CYP20A1: variants seen among roughly 807,000 people sequenced by gnomAD.
The protein encoded by CYP20A1 is cytochrome P450 20A1.
In CYP20A1, 61 loss-of-function variants were observed where a neutral mutation model predicts 61.4. The ratio of observed to expected loss-of-function variants is 0.99; its 90% CI spans 0.81 to 1.23. The LOEUF is 1.23. CYP20A1 is among the 50% of genes most tolerant of loss of function. CYP20A1 has a pLI of 0.00. For synonymous variants in CYP20A1, 193 were observed against 188.2 expected, an observed-to-expected ratio of 1.03 and a Z score of -0.21; for missense variants, 530 against 542.4, an observed-to-expected ratio of 0.98 and a Z score of 0.23.
chr2:203,279,004 C>T (rs1345303450), intron 7 of CYP20A1, among the ~76,000 whole-genome samples: 1 of 151,976 alleles, frequency 6.6e-6, no homozygotes, highest in Non-Finnish European at 1.5e-5. Context: ...CTCGCTATGT[C>T]GCCCGGCTGG....
At chr2:203,256,027 G>C (rs928498661) in intron 4 of CYP20A1, among the ~76,000 whole-genome samples, 7 of 152,122 alleles carry the variant, frequency 4.6e-5, no homozygotes, top group Admixed American at 4.6e-4. Flanking sequence ...GCAATGACCT[G>C]ATCATAGCTC....
At chr2:203,252,426 ACT>A (rs1427552161) in intron 4 of CYP20A1, among the ~76,000 whole-genome samples, 1 of 151,820 alleles carries the variant, frequency 6.6e-6, no homozygotes, top group African/African-American at 2.4e-5. Context: ...ACAGAGTCTC[ACT>A]CTGTCACCCA....
At position 203,304,488 on chromosome 2, in the gene CYP20A1, C is replaced by T. The variant is rs972614308; in HGVS notation, c.*7580C>T. 2.7e-4 allele frequency among the ~76,000 whole-genome samples: 41 copies of T among 152,030 alleles called. No individual in the cohort carries two copies. Among genetic ancestry groups the T allele is most frequent in the African/African-American group, 9.4e-4 (39 of 41,410 alleles). ...CTGGGATTACAGGTGTGAGCCACAG[C>T]GCCCGGCCAAAAAAAGGAATTTTTA... On this transcript the variant is annotated 3_prime_UTR_variant, in exon 13 of 13. Coordinates refer to ENST00000356079, the MANE Select transcript of CYP20A1 (RefSeq NM_177538.3).
rs1330272066 is a variant in CYP20A1 at position 203,278,583 on chromosome 2, A to G, written c.690A>G (p.Gln230=). The G allele has an allele frequency of 1.3e-6, 2 of 1,571,514 alleles. No individual in the cohort carries two copies. The highest frequency in any genetic ancestry group is 1.4e-5 in the African/African-American group (1 of 73,208). Residue 230 remains glutamine (Q), a synonymous_variant, in exon 7 of 13, where the codon CAA becomes CAG. Coordinates refer to ENST00000356079, the MANE Select transcript of CYP20A1 (RefSeq NM_177538.3). The part of the protein sequence containing the change: ...RKKQYEDALM[Q]LESVLRNIIK... ...GTTTTTTTCTCTAAGCCCTCATGCA[A>G]CTGGAGTCTGTTTTAAGGAACATCA...
intron 2 of CYP20A1, among the ~76,000 whole-genome samples, chr2:203,246,504 G>A (rs1399780322): frequency 6.6e-6 from 1 of 152,192 alleles, no homozygotes; most frequent in Admixed American, 6.5e-5. Flanking sequence ...TAAGTCGGAT[G>A]TTCCTATGGA....
chr2:203,289,918 A>C, intron 10 of CYP20A1, 42 bp downstream of exon 10: 13 of 1,044,744 alleles, frequency 1.2e-5, no homozygotes, highest in Non-Finnish European at 1.6e-5. Flanking sequence ...AGCTATTCTC[A>C]ACTCTTTTGG....
At chr2:203,279,663 C>T (rs2067965532) in intron 7 of CYP20A1, among the ~76,000 whole-genome samples, 1 of 152,106 alleles carries the variant, frequency 6.6e-6, no homozygotes, top group Non-Finnish European at 1.5e-5. Context: ...GATCTTCTGT[C>T]CTATTTCTGA....
Position 203,304,092 on chromosome 2 carries a change from G to A in CYP20A1, c.*7184G>A, listed in dbSNP as rs940155713. On this transcript the variant is annotated 3_prime_UTR_variant, in exon 13 of 13. Coordinates refer to ENST00000356079, the MANE Select transcript of CYP20A1 (RefSeq NM_177538.3). ...AAAATTAGTGGGTGTGGAGGCGGGC[G>A]AATGTAATCCCAGCTAGTTGAGAGG... Among the ~76,000 whole-genome samples, 3 of 151,398 alleles carry A rather than the reference G, an allele frequency of 2.0e-5. No homozygotes were observed. Among genetic ancestry groups the A allele is most frequent in the East Asian group, 2.0e-4 (1 of 5,044 alleles).
At chr2:203,244,435 A>C (rs1476327407) in intron 1 of CYP20A1, among the ~76,000 whole-genome samples, 1 of 152,016 alleles carries the variant, frequency 6.6e-6, no homozygotes, top group Non-Finnish European at 1.5e-5. Context: ...CCTGACCTCA[A>C]GTGATCATCC....
rs561424462 is a variant in CYP20A1, at chr2:203,299,797, C to G, written c.*2889C>G. 4.5e-4 allele frequency among the ~76,000 whole-genome samples: 68 copies of G among 152,014 alleles called. No individual in the cohort carries two copies. The highest frequency in any genetic ancestry group is 7.8e-4 in the Non-Finnish European group (53 of 68,010). ...GCTGAAGCAGGAGAACTGCTTGAAC[C>G]TGGGAGGCAGAGGTTGCGGTGAGCC... On this transcript the variant is annotated 3_prime_UTR_variant, in exon 13 of 13. Coordinates refer to ENST00000356079, the MANE Select transcript of CYP20A1 (RefSeq NM_177538.3).
intron 9 of CYP20A1, among the ~76,000 whole-genome samples, chr2:203,288,312 C>A (rs186317901): frequency 6.6e-6 from 1 of 151,690 alleles, no homozygotes; most frequent in Non-Finnish European, 1.5e-5. Flanking sequence ...GTGATCCACC[C>A]GCCTCTGGCT....
chr2:203,266,189 A>T (rs1035124511), intron 4 of CYP20A1, among the ~76,000 whole-genome samples: 5 of 152,134 alleles, frequency 3.3e-5, no homozygotes, highest in African/African-American at 4.8e-5. Flanking sequence ...ATTATTTTTA[A>T]TTAGATACCA....
At chr2:203,251,642 G>A (rs1012883440) in intron 3 of CYP20A1, among the ~76,000 whole-genome samples, 14 of 150,016 alleles carry the variant, frequency 9.3e-5, no homozygotes, top group African/African-American at 1.2e-4. Context: ...GTTGGCACAC[G>A]CCTGTAATCC....
chr2:203,296,913 T>G lies in CYP20A1; in HGVS notation c.*5T>G. The G allele has an allele frequency of 6.7e-7, 1 of 1,494,724 alleles. No homozygotes were observed. Among genetic ancestry groups the G allele is most frequent in the Non-Finnish European group, 9.1e-7 (1 of 1,100,298 alleles). The allele number at this position is 1,494,724 out of a possible 1,614,324, so 92.6% of individuals were successfully genotyped here. A position where few individuals can be genotyped will look rare whatever the true frequency, so the allele number is the denominator to read the frequency against. On this transcript the variant is annotated 3_prime_UTR_variant, in exon 13 of 13. Transcript: ENST00000356079. ...ACTGTCTCAAAGAGATATTAAAATT[T>G]TATACATTTAAAATCATTGTTAAAT...
chr2:203,259,920 C>G (rs2067068760), intron 4 of CYP20A1: 1 of 150,550 alleles, frequency 6.6e-6, no homozygotes. Flanking sequence ...GCTGGGATTA[C>G]AGGCATATCT....
In CYP20A1 at chr2:203,299,708, C is replaced by T. The variant is rs1217176375; in HGVS notation, c.*2800C>T. ...TGACCAACATGGAGAAACCCCGTCTCTACTAAAAATACAAAATTAGCCAGG... is the reference window on the plus strand; with the variant it reads ...TGACCAACATGGAGAAACCCCGTCTTTACTAAAAATACAAAATTAGCCAGG... On this transcript the variant is annotated 3_prime_UTR_variant, in exon 13 of 13. Coordinates refer to ENST00000356079, the MANE Select transcript of CYP20A1 (RefSeq NM_177538.3). 2.0e-5 allele frequency among the ~76,000 whole-genome samples: 3 copies of T among 152,028 alleles called. No homozygotes were observed. Among genetic ancestry groups the T allele is most frequent in the Non-Finnish European group, 4.4e-5 (3 of 68,008 alleles).
At position 203,305,813 on chromosome 2, in the gene CYP20A1, C is replaced by A. The variant is rs1213498665; in HGVS notation, c.*8905C>A. On this transcript the variant is annotated 3_prime_UTR_variant, in exon 13 of 13. Coordinates refer to ENST00000356079, the MANE Select transcript of CYP20A1 (RefSeq NM_177538.3). ...ATCTTTATTGCCGGTGTTCTGTGCA[C>A]ATAGAATAAAGGAAATTATTAATGT... Among the ~76,000 whole-genome samples the A allele has an allele frequency of 6.6e-6, 1 of 152,064 alleles. No individual in the cohort carries two copies. Among genetic ancestry groups the A allele is most frequent in the Non-Finnish European group, 1.5e-5 (1 of 68,020 alleles).
rs776160706 is a variant in CYP20A1, at chr2:203,285,742, C to G, written c.971+10C>G. 3.2e-6 allele frequency: 5 copies of G among 1,553,664 alleles called. No homozygotes were observed. The African/African-American group carries it at 5.6e-5, about 17-fold the overall frequency. ...AAATTGAGCAGCTCAGGTAAGAACACAATAAAAAGAGGAGATTATTAAAAG... is the reference window on the plus strand; with the variant it reads ...AAATTGAGCAGCTCAGGTAAGAACAGAATAAAAAGAGGAGATTATTAAAAG... On this transcript the variant is annotated intron_variant, in intron 9 of 12. Coordinates refer to ENST00000356079, the MANE Select transcript of CYP20A1 (RefSeq NM_177538.3).
chr2:203,263,169 A>G (rs1177577971), intron 4 of CYP20A1, among the ~76,000 whole-genome samples: 1 of 149,150 alleles, frequency 6.7e-6, no homozygotes, highest in Non-Finnish European at 1.5e-5. Context: ...TTGTATTTTT[A>G]GTAGAGACGG....
Sources: allele counts gnomAD v4.1 joint callset (sites outside exome capture counted in the v4.1 genomes callset), GRCh38; gene constraint gnomAD v4.1.1; transcripts MANE v1.5; gene names NCBI Gene and HGNC (gene_info 2026-07-23, HGNC 2026-07-21).